The following BCL7C variants were observed in gnomAD, a reference collection of about 807,000 sequenced individuals.
BCL7C encodes BAF chromatin remodeling complex subunit BCL7C, also known as B-cell CLL/lymphoma 7 protein family member C.
Under a neutral mutation model 26.2 loss-of-function variants are expected in BCL7C, and 8 were observed. The ratio of observed to expected loss-of-function variants is 0.30; its 90% CI spans 0.18 to 0.55. BCL7C has a LOEUF of 0.55. Ranked by LOEUF, BCL7C falls within the 20% of genes least tolerant of loss-of-function variation. BCL7C has a pLI of 0.93. For missense variants in BCL7C, 262 were observed against 298.5 expected, an observed-to-expected ratio of 0.88 and a Z score of 0.90; for synonymous variants, 90 against 116.5, an observed-to-expected ratio of 0.77 and a Z score of 1.47.
chr16:30,840,291 C>A lies in BCL7C; in HGVS notation c.529-5143G>T, dbSNP rs1448052822. Among the ~76,000 whole-genome samples, 3 of 147,826 alleles carry A rather than the reference C, an allele frequency of 2.0e-5. No homozygotes were observed. The South Asian group carries it at 6.8e-4, about 33-fold the overall frequency. Reference sequence around the variant, plus strand: ...GGAGTGCAGTGGCATCATCTCCACTCATTGCAACCTCTGCCTCCCAGGTTC... The same window carrying A: ...GGAGTGCAGTGGCATCATCTCCACTAATTGCAACCTCTGCCTCCCAGGTTC... On this transcript the variant is annotated intron_variant, in intron 5 of 5. Transcript: ENST00000380317.
intron 5 of BCL7C, chr16:30,851,731 C>T: frequency 1.6e-6 from 1 of 631,826 alleles, no homozygotes; most frequent in Non-Finnish European, 2.7e-6. Context: ...CAGCAGCAGA[C>T]CACCAAACAG....
intron 5 of BCL7C, among the ~76,000 whole-genome samples, chr16:30,882,443 G>C (rs1040734560): frequency 2.0e-5 from 3 of 152,208 alleles, no homozygotes; most frequent in Non-Finnish European, 4.4e-5. Context: ...CATAGCAGAG[G>C]AGGGGTCAGG....
intron 5 of BCL7C, 169 bp downstream of exon 5, chr16:30,888,691 C>G: frequency 1.7e-6 from 1 of 582,208 alleles, no homozygotes; most frequent in South Asian, 2.1e-5. Flanking sequence ...CACTTTGTCT[C>G]TGAAACACCC....
intron 5 of BCL7C, among the ~76,000 whole-genome samples, chr16:30,843,421 C>T (rs1357983770): frequency 6.6e-6 from 1 of 151,644 alleles, no homozygotes; most frequent in Non-Finnish European, 1.5e-5. Flanking sequence ...GTTAGCTAGG[C>T]GTAGTGGCAC....
chr16:30,858,864 C>G (rs1014940578), intron 5 of BCL7C, among the ~76,000 whole-genome samples: 1 of 152,098 alleles, frequency 6.6e-6, no homozygotes, highest in Admixed American at 6.6e-5. Flanking sequence ...CTAGACATAG[C>G]CTGATAAAAT....
chr16:30,869,781 G>T (rs906909914), intron 5 of BCL7C, among the ~76,000 whole-genome samples: 1 of 152,104 alleles, frequency 6.6e-6, no homozygotes, highest in Non-Finnish European at 1.5e-5. Context: ...CCAAAGTGCT[G>T]GGGTTACAGG....
intron 5 of BCL7C, among the ~76,000 whole-genome samples, chr16:30,865,472 G>C (rs1403462785): frequency 6.6e-6 from 1 of 152,020 alleles, no homozygotes; most frequent in East Asian, 1.9e-4. Flanking sequence ...CAGCTACTTG[G>C]GTGGCTGAGG....
intron 5 of BCL7C, among the ~76,000 whole-genome samples, chr16:30,888,422 C>T (rs539155906): frequency 1.3e-5 from 2 of 152,200 alleles, no homozygotes; most frequent in South Asian, 2.1e-4. Context: ...CTGCAGCCTC[C>T]GCCTCCCGGG....
intron 5 of BCL7C, among the ~76,000 whole-genome samples, chr16:30,849,369 A>G (rs1292990056): frequency 1.3e-5 from 2 of 151,980 alleles, no homozygotes; most frequent in Non-Finnish European, 2.9e-5. Flanking sequence ...TTATCATTAT[A>G]AAATGTCTTT....
chr16:30,854,832 C>T (rs1216526336), intron 5 of BCL7C, among the ~76,000 whole-genome samples: 2 of 151,682 alleles, frequency 1.3e-5, no homozygotes, highest in Admixed American at 6.6e-5. Flanking sequence ...CTCCTGAGTG[C>T]CTGGGATTAC....
chr16:30,876,278 C>CT (rs1432356186), intron 5 of BCL7C, among the ~76,000 whole-genome samples: 1 of 152,220 alleles, frequency 6.6e-6, no homozygotes, highest in Non-Finnish European at 1.5e-5. Flanking sequence ...AGTGCACTCA[C>CT]TCTGTGCCTG....
At chr16:30,836,854 T>C (rs1241541841) in intron 5 of BCL7C, among the ~76,000 whole-genome samples, 1 of 151,254 alleles carries the variant, frequency 6.6e-6, no homozygotes, top group African/African-American at 2.4e-5. Flanking sequence ...AGTGCAATGG[T>C]GCTGTCTTGA....
At chr16:30,849,847 C>CAAAATA (rs2151363094) in intron 5 of BCL7C, among the ~76,000 whole-genome samples, 2 of 151,604 alleles carry the variant, frequency 1.3e-5, no homozygotes, top group African/African-American at 4.8e-5. Context: ...CTCCACCATG[C>CAAAATA]CTAGCTAACT....
At chr16:30,843,736 C>T (rs889451841) in intron 5 of BCL7C, among the ~76,000 whole-genome samples, 2 of 151,846 alleles carry the variant, frequency 1.3e-5, no homozygotes, top group East Asian at 3.9e-4. Flanking sequence ...CGCTCCAGTC[C>T]CTGCTCAAAA....
chr16:30,858,439 C>T (rs1357778799), intron 5 of BCL7C, among the ~76,000 whole-genome samples: 1 of 152,112 alleles, frequency 6.6e-6, no homozygotes, highest in Non-Finnish European at 1.5e-5. Flanking sequence ...TAGACATGGG[C>T]TCTAAGTTTA....
At chr16:30,848,454 G>C (rs1260831272) in intron 5 of BCL7C, among the ~76,000 whole-genome samples, 1 of 152,166 alleles carries the variant, frequency 6.6e-6, no homozygotes, top group East Asian at 1.9e-4. Flanking sequence ...AGACCACCAG[G>C]CAATCTAATT....
At chr16:30,858,395 G>A (rs2054742412) in intron 5 of BCL7C, among the ~76,000 whole-genome samples, 1 of 152,166 alleles carries the variant, frequency 6.6e-6, no homozygotes, top group South Asian at 2.1e-4. Flanking sequence ...CTGTGCCTTG[G>A]GGAGAGGGAA....
intron 4 of BCL7C, among the ~76,000 whole-genome samples, chr16:30,892,333 A>T (rs1237311031): frequency 6.6e-6 from 1 of 150,810 alleles, no homozygotes. Flanking sequence ...CAGGAAACTG[A>T]CATGAGAGTG....
intron 5 of BCL7C, chr16:30,840,623 A>C (rs2054596230): frequency 6.6e-6 from 1 of 152,240 alleles, no homozygotes; most frequent in African/African-American, 2.4e-5. Context: ...AAGATGTATT[A>C]GTCTGGTCTC....
Sources: gnomAD v4.1 joint callset for allele counts (sites outside exome capture counted in the v4.1 genomes callset) on GRCh38, gnomAD v4.1.1 for gene constraint, MANE v1.5 for transcripts, NCBI Gene and HGNC (gene_info 2026-07-23, HGNC 2026-07-21) for gene names.